The following ABCB1 variants were observed in gnomAD, a reference collection of about 807,000 sequenced individuals.
ABCB1 encodes the protein ATP-dependent translocase ABCB1.
In ABCB1, 69 loss-of-function variants were observed where a neutral mutation model predicts 142.0. The ratio of observed to expected loss-of-function variants is 0.49; its 90% CI spans 0.40 to 0.59. The LOEUF (loss-of-function observed/expected upper bound fraction) is 0.59. ABCB1 is among the 20% of genes least tolerant of loss of function. ABCB1 has a pLI of 0.00. For missense variants in ABCB1, 1,326 were observed against 1,554.7 expected (o/e 0.85, Z 2.47); for synonymous variants, 532 against 539.2 (o/e 0.99, Z 0.18).
chr7:87,672,706 C>A (rs1825951993), intron 1 of ABCB1, among the ~76,000 whole-genome samples: 1 of 152,158 alleles, frequency 6.6e-6, no homozygotes, highest in African/African-American at 2.4e-5. Flanking sequence ...GGAATGGGTT[C>A]ACAAGGAGAT....
intron 1 of ABCB1, among the ~76,000 whole-genome samples, chr7:87,627,173 T>A (rs555263619): frequency 6.6e-6 from 1 of 152,166 alleles, no homozygotes; most frequent in Non-Finnish European, 1.5e-5. Flanking sequence ...ATTTTTAAAC[T>A]TTAAAAACCT....
intron 25 of ABCB1, among the ~76,000 whole-genome samples, chr7:87,514,485 C>A (rs2117081034): frequency 6.6e-6 from 1 of 152,256 alleles, no homozygotes; most frequent in South Asian, 2.1e-4. Context: ...TTACATTTCC[C>A]AAATTTGTTG....
At chr7:87,545,401 A>C (rs1461743491) in intron 15 of ABCB1, among the ~76,000 whole-genome samples, 1 of 152,272 alleles carries the variant, frequency 6.6e-6, no homozygotes, top group Non-Finnish European at 1.5e-5. Context: ...TGTAAAAAGA[A>C]AGAAGTGAAA....
intron 1 of ABCB1, among the ~76,000 whole-genome samples, chr7:87,657,955 A>C (rs1372729164): frequency 6.6e-6 from 1 of 152,184 alleles, no homozygotes. Flanking sequence ...CAGAAGGTTT[A>C]AATAAGATCC....
chr7:87,584,952 C>G (rs1414257868), intron 4 of ABCB1, among the ~76,000 whole-genome samples: 1 of 132,130 alleles, frequency 7.6e-6, no homozygotes, highest in Admixed American at 7.4e-5. Flanking sequence ...TCCTAAAATA[C>G]CCCCCCACAC....
chr7:87,626,518 GTGTCATATATA>G (rs1820588941), intron 1 of ABCB1, among the ~76,000 whole-genome samples: 4 of 14,328 alleles, frequency 2.8e-4, no homozygotes, highest in Non-Finnish European at 3.9e-4. Context: ...TCATATATAT[GTGTCATATATA>G]TGTGTCATAT....
rs1478102663 is a variant in ABCB1, at chr7:87,544,919, A to C, written c.1968T>G (p.Asn656Lys). The part of the protein sequence containing the change: ...SEIDALEMSS[N>K]DSRSSLIRKR... ...TTCTTATTAGACTGGATCTTGAATC[A>C]TTTGAAGACATTTCCAAGGCATCAA... Residue 656 changes from asparagine to lysine, a missense_variant, in exon 16 of 28, where the codon AAT (asparagine) becomes AAG (lysine). Coordinates refer to ENST00000622132, the MANE Select transcript of ABCB1 (RefSeq NM_001348946.2). 6.2e-7 allele frequency: 1 copy of C among 1,614,094 alleles called. No individual in the cohort carries two copies.
rs1400860335 is a variant in ABCB1, at chr7:87,505,977, T to C, written c.3556A>G (p.Ile1186Val). 5 of 1,614,038 alleles carry C rather than the reference T, an allele frequency of 3.1e-6. No homozygotes were observed. The highest frequency in any genetic ancestry group is 2.2e-5 in the East Asian group (1 of 44,896). ...LSGGQKQRIA[I>V]ARALVRQPHI... ...GGCTGTCTAACAAGGGCACGAGCTA[T>C]GGCAATGCGTTGTTTCTGGCCACCA... Residue 1186 changes from isoleucine to valine, a missense_variant, in exon 27 of 28, where the codon ATA (isoleucine) becomes GTA (valine). Physicochemically the swap from Ile to Val is conservative, Grantham distance 29 (BLOSUM62 3). Coordinates refer to ENST00000622132, the MANE Select transcript of ABCB1 (RefSeq NM_001348946.2).
intron 1 of ABCB1, among the ~76,000 whole-genome samples, chr7:87,622,807 G>T (rs1355300729): frequency 6.6e-6 from 1 of 152,190 alleles, no homozygotes; most frequent in Non-Finnish European, 1.5e-5. Flanking sequence ...AAGAAGGGAG[G>T]ATCGCATGAG....
intron 1 of ABCB1, chr7:87,709,437 G>T (rs1389012719): frequency 1.6e-5 from 16 of 985,158 alleles, no homozygotes; most frequent in Non-Finnish European, 1.8e-5. Flanking sequence ...GCTAACTGCA[G>T]GTTCCCCTAG....
chr7:87,694,240 C>G lies in ABCB1; in HGVS notation c.-331+18921G>C, dbSNP rs575553163. ...AAATATTACGTGTGAAGTAGCAGCT[C>G]AGGGAAGCTGTATGAATATTCCAGT... is the stretch of plus-strand genomic sequence containing the variant. On this transcript the variant is annotated intron_variant, in intron 1 of 28. Coordinates refer to the ABCB1 transcript ENST00000265724. 2.0e-5 allele frequency among the ~76,000 whole-genome samples: 3 copies of G among 152,152 alleles called. No individual in the cohort carries two copies. The East Asian group carries it at 5.8e-4, about 29-fold the overall frequency.
At position 87,682,005 on chromosome 7, in the gene ABCB1, C is replaced by T. The variant is rs551005538; in HGVS notation, c.-331+31156G>A. On this transcript the variant is annotated intron_variant, in intron 1 of 28. Transcript: ENST00000265724. ...TCAAACCCTGCCACTGCTTTATCAA[C>T]TAAGTTCATTTAATATCTTAAATCT... Among the ~76,000 whole-genome samples, 3 of 152,354 alleles carry T rather than the reference C, an allele frequency of 2.0e-5. No individual in the cohort carries two copies. In the East Asian group the frequency reaches 5.8e-4, roughly 29 times the overall value.
At position 87,504,337 on chromosome 7, in the gene ABCB1, C is replaced by A. The variant is rs1373455786; in HGVS notation, c.3749G>T (p.Arg1250Ile). Residue 1250 changes from arginine (R) to isoleucine (I), a missense_variant, in exon 28 of 28, where the codon AGA becomes ATA. By Grantham distance (97) the Arg-to-Ile change is moderately conservative. Coordinates refer to ENST00000622132, the MANE Select transcript of ABCB1 (RefSeq NM_001348946.2). ...ADLIVVFQNG[R>I]VKEHGTHQQL... ...CTGATGCGTGCCATGCTCCTTGACT[C>A]TGCCATTCTGAAACACCACTATTAA... 6.2e-7 allele frequency: 1 copy of A among 1,613,964 alleles called. No homozygotes were observed. The highest frequency in any genetic ancestry group is 2.2e-5 in the East Asian group (1 of 44,896).
chr7:87,690,907 C>A (rs2130644303), intron 1 of ABCB1, among the ~76,000 whole-genome samples: 1 of 151,710 alleles, frequency 6.6e-6, no homozygotes, highest in South Asian at 2.1e-4. Flanking sequence ...TATCTACCTG[C>A]AACTTTATTA....
chr7:87,683,059 T>G (rs1585091183), intron 1 of ABCB1, among the ~76,000 whole-genome samples: 1 of 152,192 alleles, frequency 6.6e-6, no homozygotes, highest in African/African-American at 2.4e-5. Context: ...GTTTTATTAT[T>G]ATTATTTTTT....
chr7:87,625,385 T>G (rs1265117617), intron 1 of ABCB1, among the ~76,000 whole-genome samples: 1 of 152,244 alleles, frequency 6.6e-6, no homozygotes, highest in East Asian at 1.9e-4. Context: ...GAAGCCAATT[T>G]TGAGGATATT....
intron 1 of ABCB1, among the ~76,000 whole-genome samples, chr7:87,705,329 G>C (rs903286262): frequency 1.3e-5 from 2 of 152,188 alleles, no homozygotes; most frequent in African/African-American, 4.8e-5. Flanking sequence ...GGGAGGCTGA[G>C]GCAGGAGAAT....
chr7:87,523,923 G>A (rs1815659709), intron 21 of ABCB1, among the ~76,000 whole-genome samples: 1 of 152,148 alleles, frequency 6.6e-6, no homozygotes, highest in African/African-American at 2.4e-5. Flanking sequence ...AAGTCACCAA[G>A]AGAAATGACT....
At chr7:87,649,279 T>C (rs529657368) in intron 1 of ABCB1, among the ~76,000 whole-genome samples, 1 of 152,284 alleles carries the variant, frequency 6.6e-6, no homozygotes, top group African/African-American at 2.4e-5. Context: ...TAAACATTTA[T>C]TTACCATTCT....
Sources: allele counts gnomAD v4.1 joint callset (sites outside exome capture counted in the v4.1 genomes callset), GRCh38; gene constraint gnomAD v4.1.1; transcripts MANE v1.5; gene names NCBI Gene and HGNC (gene_info 2026-07-23, HGNC 2026-07-21).